SETD5: variants seen among roughly 807,000 people sequenced by gnomAD.
SETD5 encodes the protein SET domain containing 5.
A neutral mutation model predicts 153.3 loss-of-function variants in SETD5; 44 were observed. The ratio of observed to expected loss-of-function variants is 0.29; its 90% CI spans 0.23 to 0.37. SETD5 has a LOEUF of 0.37. Ranked by LOEUF, SETD5 falls within the 10% of genes least tolerant of loss-of-function variation. The pLI is 1.00. For synonymous variants in SETD5, 716 were observed against 645.2 expected (o/e 1.11, Z -1.66); for missense variants, 1,544 against 1,768.0 (o/e 0.87, Z 2.27).
chr3:9,427,410 CATG>C (rs2039415612), intron 2 of SETD5, among the ~76,000 whole-genome samples: 3 of 152,110 alleles, frequency 2.0e-5, no homozygotes, highest in Non-Finnish European at 2.9e-5. Flanking sequence ...ATTAGCCAGA[CATG>C]GTGGCAGGCG....
At chr3:9,412,270 A>T (rs1575208137) in intron 1 of SETD5, among the ~76,000 whole-genome samples, 1 of 151,794 alleles carries the variant, frequency 6.6e-6, no homozygotes, top group African/African-American at 2.4e-5. Context: ...TTCCTATTAG[A>T]AGATAGTATT....
At chr3:9,409,809 T>C (rs907671215) in intron 1 of SETD5, among the ~76,000 whole-genome samples, 1 of 152,230 alleles carries the variant, frequency 6.6e-6, no homozygotes, top group African/African-American at 2.4e-5. Context: ...AACTCAGTGC[T>C]ACATGATGTT....
chr3:9,440,490 A>G lies in SETD5; in HGVS notation c.602A>G (p.Asn201Ser). ...TCTGAAGCACAGAATTTAGATGAGA[A>G]TACAACTGAGGGCTGGGAAAATCGG... ...SPSEAQNLDENTTEGWENRIR... is the reference protein window; with the variant it reads ...SPSEAQNLDESTTEGWENRIR... Residue 201 changes from asparagine (N) to serine (S), a missense_variant, in exon 8 of 23, where the codon AAT (asparagine) becomes AGT (serine). By Grantham distance (46) the Asn-to-Ser change is conservative. This residue lies in a region of SETD5 where 251 missense variants were observed against 326.9 expected (regional missense o/e 0.77). Coordinates refer to ENST00000402198, the MANE Select transcript of SETD5 (RefSeq NM_001080517.3). 2 of 1,600,478 alleles carry G rather than the reference A, an allele frequency of 1.2e-6. No individual in the cohort carries two copies. The highest frequency in any genetic ancestry group is 1.7e-6 in the Non-Finnish European group (2 of 1,167,626).
intron 3 of SETD5, 114 bp downstream of exon 3, chr3:9,429,123 T>G (rs2039656127): frequency 1.6e-6 from 1 of 634,458 alleles, no homozygotes; most frequent in African/African-American, 1.8e-5. Context: ...CCTATTCCAC[T>G]GTAATTAACA....
chr3:9,433,225 A>G (rs950095970), intron 3 of SETD5: 2 of 415,786 alleles, frequency 4.8e-6, no homozygotes, highest in Non-Finnish European at 8.5e-6. Flanking sequence ...CATGCAGCTG[A>G]TAAATAATTT....
chr3:9,413,364 C>G (rs1324482826), intron 1 of SETD5, among the ~76,000 whole-genome samples: 6 of 152,126 alleles, frequency 3.9e-5, no homozygotes, highest in Admixed American at 3.3e-4. Flanking sequence ...CAATAGGTAA[C>G]ATTTTATGAT....
At chr3:9,423,596 G>C (rs1207403866) in intron 1 of SETD5, among the ~76,000 whole-genome samples, 1 of 151,054 alleles carries the variant, frequency 6.6e-6, no homozygotes, top group Non-Finnish European at 1.5e-5. Flanking sequence ...CTGTTACTTT[G>C]ATACTTTTAT....
In SETD5 at chr3:9,455,164, TTTTC is replaced by T. The variant is rs1228686456; in HGVS notation, c.2476+1300_2476+1303del. On this transcript the variant is annotated intron_variant, in intron 17 of 22. Transcript: ENST00000402198. ...AAACGTGAATTGCCTTTTTTTCTTT[TTTTC>T]TTTTTTTTTTTTTTTTTTTTTTGAA... Among the ~76,000 whole-genome samples, 3 of 141,530 alleles carry T rather than the reference TTTTC, an allele frequency of 2.1e-5. No homozygotes were observed. The South Asian group carries it at 6.5e-4, about 31-fold the overall frequency. 92.8% of individuals were successfully genotyped at this position (141,530 alleles called of 152,430 possible).
intron 1 of SETD5, among the ~76,000 whole-genome samples, chr3:9,415,806 C>T (rs994371931): frequency 6.6e-6 from 1 of 151,566 alleles, no homozygotes; most frequent in East Asian, 1.9e-4. Context: ...TCAAGTGATT[C>T]TCCTAAGTCA....
At chr3:9,473,154 C>T (rs981481926) in intron 19 of SETD5, 82 bp from the exon 20 acceptor site, 1 of 1,468,900 alleles carries the variant, frequency 6.8e-7, no homozygotes, top group Non-Finnish European at 9.1e-7. Flanking sequence ...TACCATCTTT[C>T]CTTCTTTCCC....
intron 1 of SETD5, among the ~76,000 whole-genome samples, chr3:9,421,848 T>A (rs2038458478): frequency 6.6e-6 from 1 of 152,200 alleles, no homozygotes; most frequent in African/African-American, 2.4e-5. Context: ...TTTCGTTATT[T>A]AGTAGTATAT....
At chr3:9,432,408 C>A in intron 3 of SETD5, 1 of 370,802 alleles carries the variant, frequency 2.7e-6, no homozygotes, top group Non-Finnish European at 3.7e-6. Context: ...CACACTTATT[C>A]CTGCTGTACT....
chr3:9,453,784 T>A lies in SETD5; in HGVS notation c.2392T>A (p.Ser798Thr). 1 of 1,608,690 alleles carries A rather than the reference T, an allele frequency of 6.2e-7. No individual in the cohort carries two copies. The highest frequency in any genetic ancestry group is 8.5e-7 in the Non-Finnish European group (1 of 1,178,550). The change falls in exon 17 of 23, where the codon TCT (serine) becomes ACT (threonine). Residue 798 changes from serine (S) to threonine (T), a missense_variant. Physicochemically the swap from Ser to Thr is moderately conservative, Grantham distance 58. Around this residue, in one of 9 missense-constraint regions of SETD5, gnomAD observed 782 missense variants for 787.2 expected, o/e 0.99. Coordinates refer to ENST00000402198, the MANE Select transcript of SETD5 (RefSeq NM_001080517.3). Reference protein sequence around the residue: ...ALEEGMTQTSSVPQETRTQHL... With the variant: ...ALEEGMTQTSTVPQETRTQHL... ...AGAAGAAGGGATGACTCAAACATCA[T>A]CTGTACCCCAAGAGACTAGAACTCA...
chr3:9,457,087 A>G (rs900009136), intron 17 of SETD5, among the ~76,000 whole-genome samples: 5 of 152,248 alleles, frequency 3.3e-5, no homozygotes, highest in African/African-American at 1.2e-4. Flanking sequence ...TTATAGAAAT[A>G]AAAGTTATTA....
rs1029885811 is a variant in SETD5, at chr3:9,476,751, G to C, written c.*660G>C. ...CTCTTTGAAGAAAAGCTCATGGTCA[G>C]CTCTTGATTATTCGGGAGCAGATTA... is the stretch of plus-strand genomic sequence containing the variant. On this transcript the variant is annotated 3_prime_UTR_variant, in exon 23 of 23. Transcript: ENST00000402198. 1 of 152,512 alleles carries C rather than the reference G, an allele frequency of 6.6e-6. No homozygotes were observed. Among genetic ancestry groups the C allele is most frequent in the African/African-American group, 2.4e-5 (1 of 41,434 alleles). 9.4% of individuals were successfully genotyped at this position (152,512 alleles called of 1,614,324 possible).
chr3:9,462,442 C>G (rs2044072136), intron 17 of SETD5, among the ~76,000 whole-genome samples: 1 of 148,958 alleles, frequency 6.7e-6, no homozygotes, highest in East Asian at 2.0e-4. Context: ...AAAAAATTAG[C>G]CGGGTGTGGT....
At position 9,427,879 on chromosome 3, in the gene SETD5, A is replaced by G. The variant is rs944000377; in HGVS notation, c.-116-944A>G. Among the ~76,000 whole-genome samples the G allele has an allele frequency of 3.9e-5, 6 of 151,906 alleles. No individual in the cohort carries two copies. The South Asian group carries it at 1.2e-3, about 32-fold the overall frequency. ...ACCATACCTCCAAATCTCTTAATCT[A>G]TTTTTGCATTTTTTTATACTTCAGT... On this transcript the variant is annotated intron_variant, in intron 2 of 22. Transcript: ENST00000402198.
At chr3:9,420,727 A>C (rs1258147057) in intron 1 of SETD5, among the ~76,000 whole-genome samples, 2 of 152,174 alleles carry the variant, frequency 1.3e-5, no homozygotes, top group African/African-American at 4.8e-5. Flanking sequence ...TACTGTTCCA[A>C]ATACATGAAC....
At chr3:9,427,840 T>C (rs1476909576) in intron 2 of SETD5, among the ~76,000 whole-genome samples, 5 of 152,234 alleles carry the variant, frequency 3.3e-5, no homozygotes, top group Non-Finnish European at 7.3e-5. Context: ...CAAAGAACAC[T>C]TGTTTCCCTC....
Sources: gnomAD v4.1 joint callset for allele counts (sites outside exome capture counted in the v4.1 genomes callset) on GRCh38, gnomAD v4.1.1 for gene constraint, gnomAD v4.1.1 regional missense constraint, MANE v1.5 for transcripts, NCBI Gene and HGNC (gene_info 2026-07-23, HGNC 2026-07-21) for gene names.